Variants in PPFIBP1 observed in about 807,000 individuals in gnomAD.
PPFIBP1 encodes PPFIB scaffold protein 1, also known as liprin-beta-1.
Under a neutral mutation model 137.8 loss-of-function variants are expected in PPFIBP1, and 112 were observed. That is an observed-to-expected ratio of 0.81 (90% CI 0.70 to 0.95). PPFIBP1 has a LOEUF of 0.95. PPFIBP1 is among the 40% of genes least tolerant of loss of function. The pLI, the probability that PPFIBP1 is intolerant of heterozygous loss-of-function variation, is 0.00. For missense variants in PPFIBP1, 1,083 were observed against 1,196.6 expected (o/e 0.91, Z 1.40); for synonymous variants, 378 against 417.3 (o/e 0.91, Z 1.15).
intron 2 of PPFIBP1, among the ~76,000 whole-genome samples, chr12:27,629,288 T>G (rs536820422): frequency 6.6e-6 from 1 of 152,220 alleles, no homozygotes; most frequent in Non-Finnish European, 1.5e-5. Context: ...TGGGATTCTT[T>G]ATGCCTGACA....
chr12:27,640,718 A>T (rs2058060058), intron 4 of PPFIBP1, among the ~76,000 whole-genome samples: 1 of 151,368 alleles, frequency 6.6e-6, no homozygotes, highest in Non-Finnish European at 1.5e-5. Flanking sequence ...ATGTTCTTTG[A>T]CTCTTTGGAC....
chr12:27,535,541 T>C (rs1163402320), intron 1 of PPFIBP1, among the ~76,000 whole-genome samples: 1 of 151,842 alleles, frequency 6.6e-6, no homozygotes, highest in African/African-American at 2.4e-5. Flanking sequence ...GCTTCCCAAG[T>C]AGCTGGAACT....
intron 1 of PPFIBP1, among the ~76,000 whole-genome samples, chr12:27,553,877 A>T (rs1189385767): frequency 6.6e-6 from 1 of 152,206 alleles, no homozygotes; most frequent in East Asian, 1.9e-4. Flanking sequence ...GAGTAAATAG[A>T]TGCTTTCTGA....
intron 2 of PPFIBP1, among the ~76,000 whole-genome samples, chr12:27,593,001 A>G (rs2016788): frequency 0.26 from 39,072 of 151,382 alleles, 5,188 homozygotes; most frequent in Middle Eastern, 0.32. Context: ...TTAGGGTAGC[A>G]GACGCCTATA....
At chr12:27,689,328 A>G (rs2061380633) in intron 27 of PPFIBP1, 125 bp downstream of exon 27, 1 of 758,332 alleles carries the variant, frequency 1.3e-6, no homozygotes, top group African/African-American at 1.8e-5. Context: ...CAGCAGATGC[A>G]GGAATCCTCA....
intron 2 of PPFIBP1, among the ~76,000 whole-genome samples, chr12:27,601,425 C>A (rs760499916): frequency 5.3e-5 from 8 of 152,164 alleles, no homozygotes; most frequent in Non-Finnish European, 7.3e-5. Flanking sequence ...AAGGCTCATG[C>A]ACTTAATTAA....
At chr12:27,606,453 A>G (rs2054532462) in intron 2 of PPFIBP1, among the ~76,000 whole-genome samples, 1 of 152,226 alleles carries the variant, frequency 6.6e-6, no homozygotes, top group Non-Finnish European at 1.5e-5. Context: ...TACAAATAAT[A>G]TTGTTTGCCA....
chr12:27,672,833 G>A lies in PPFIBP1; in HGVS notation c.1319+350G>A, dbSNP rs528474636. Among the ~76,000 whole-genome samples, 79 of 152,296 alleles carry A rather than the reference G, an allele frequency of 5.2e-4. 1 individual carries two copies. The highest frequency in any genetic ancestry group is 1.7e-3 in the African/African-American group (69 of 41,566). ...GTGGGAAGGCATCACAGGGAATGAT[G>A]TGATGCTTGGAAAGCTGAGATGGGT... On this transcript the variant is annotated intron_variant, in intron 15 of 29. Coordinates refer to ENST00000228425, the MANE Select transcript of PPFIBP1 (RefSeq NM_003622.4).
At chr12:27,576,182 T>C (rs2050545456) in intron 1 of PPFIBP1, among the ~76,000 whole-genome samples, 1 of 152,146 alleles carries the variant, frequency 6.6e-6, no homozygotes, top group African/African-American at 2.4e-5. Context: ...TAACATATTG[T>C]TTTGAATTGG....
At chr12:27,637,369 A>G (rs1273790827) in intron 4 of PPFIBP1, 2 of 152,164 alleles carry the variant, frequency 1.3e-5, no homozygotes, top group African/African-American at 2.4e-5. Context: ...TGGCTTGTTG[A>G]TCTGTGTTTT....
intron 2 of PPFIBP1, among the ~76,000 whole-genome samples, chr12:27,581,981 C>T (rs368132782): frequency 8.2e-4 from 117 of 142,776 alleles, no homozygotes; most frequent in Middle Eastern, 3.8e-3. Flanking sequence ...TGTGTGTGTA[C>T]GTATGTGTGT....
chr12:27,692,047 A>G, intron 28 of PPFIBP1, 119 bp downstream of exon 28: 1 of 856,738 alleles, frequency 1.2e-6, no homozygotes, highest in South Asian at 2.2e-5. Context: ...AATACAGATA[A>G]TAATAGTGAA....
intron 2 of PPFIBP1, among the ~76,000 whole-genome samples, chr12:27,585,737 C>T (rs774502310): frequency 3.3e-5 from 5 of 152,140 alleles, no homozygotes; most frequent in East Asian, 1.9e-4. Context: ...CTCTGTTCTA[C>T]GGAGGAGCTT....
At chr12:27,601,718 A>C (rs964025608) in intron 2 of PPFIBP1, among the ~76,000 whole-genome samples, 3 of 152,208 alleles carry the variant, frequency 2.0e-5, no homozygotes, top group African/African-American at 4.8e-5. Context: ...CATAGTCCAC[A>C]GTGCTAATAG....
chr12:27,692,810 A>C lies in PPFIBP1; in HGVS notation c.2946A>C (p.Glu982Asp), dbSNP rs1269606584. The stretch of plus-strand genomic sequence containing the variant: ...TTGTTTTCCAGCACATGTTAAAAGA[A>C]GATGACATGTTTAAAGATTTTGCTG... ...GINNLTHMLK[E>D]DDMFKDFAAR... The change falls in exon 30 of 30, where the codon GAA becomes GAC. Residue 982 changes from glutamate to aspartate, a missense_variant. Coordinates refer to ENST00000228425, the MANE Select transcript of PPFIBP1 (RefSeq NM_003622.4). The C allele has an allele frequency of 6.2e-7, 1 of 1,614,056 alleles. No individual in the cohort carries two copies. Among genetic ancestry groups the C allele is most frequent in the Non-Finnish European group, 8.5e-7 (1 of 1,180,026 alleles).
chr12:27,625,583 T>G (rs1484055242), intron 2 of PPFIBP1, among the ~76,000 whole-genome samples: 78 of 148,786 alleles, frequency 5.2e-4, no homozygotes, highest in Admixed American at 9.3e-4. Flanking sequence ...TTTTACAGTT[T>G]TTTTTTTTTT....
chr12:27,589,615 T>C (rs1228692860), intron 2 of PPFIBP1, among the ~76,000 whole-genome samples: 1 of 152,264 alleles, frequency 6.6e-6, no homozygotes, highest in Non-Finnish European at 1.5e-5. Flanking sequence ...GACAGGTTCA[T>C]ACCTGCCAAG....
intron 1 of PPFIBP1, among the ~76,000 whole-genome samples, chr12:27,577,157 A>G (rs1238978110): frequency 1.3e-5 from 2 of 152,016 alleles, no homozygotes; most frequent in East Asian, 1.9e-4. Flanking sequence ...CATTCCTGAA[A>G]TGCCATAGCC....
chr12:27,657,467 A>G (rs2059277048), intron 9 of PPFIBP1, among the ~76,000 whole-genome samples: 1 of 150,732 alleles, frequency 6.6e-6, no homozygotes, highest in African/African-American at 2.4e-5. Flanking sequence ...CCTATGAGAT[A>G]CCAAAGCAAT....
Sources: allele counts gnomAD v4.1 joint callset (sites outside exome capture counted in the v4.1 genomes callset), GRCh38; gene constraint gnomAD v4.1.1; transcripts MANE v1.5; gene names NCBI Gene and HGNC (gene_info 2026-07-23, HGNC 2026-07-21).